NCOA2: variants seen among roughly 807,000 people sequenced by gnomAD.
The protein encoded by NCOA2 is class E basic helix-loop-helix protein 75.
A neutral mutation model predicts 145.1 loss-of-function variants in NCOA2; 21 were observed. The ratio of observed to expected loss-of-function variants is 0.14; its 90% CI spans 0.10 to 0.21. The LOEUF (loss-of-function observed/expected upper bound fraction) is 0.21, where lower values mean the gene tolerates loss of function less well. Among genes scored for constraint, NCOA2 ranks in the 10% least tolerant of loss-of-function variants. The probability of loss-of-function intolerance (pLI) is 1.00; values close to 1 mark genes in which losing one functional copy is unlikely to be tolerated. For synonymous variants in NCOA2, 619 were observed against 637.5 expected (o/e 0.97, Z 0.44); for missense variants, 1,472 against 1,837.6 (o/e 0.80, Z 3.64).
intron 2 of NCOA2, among the ~76,000 whole-genome samples, chr8:70,222,983 T>C (rs1430346420): frequency 6.6e-6 from 1 of 152,214 alleles, no homozygotes; most frequent in East Asian, 1.9e-4. Flanking sequence ...TGCTTATATA[T>C]CGACGTCAGC....
intron 1 of NCOA2, among the ~76,000 whole-genome samples, chr8:70,363,742 G>A (rs1247612726): frequency 6.6e-6 from 1 of 152,096 alleles, no homozygotes; most frequent in African/African-American, 2.4e-5. Context: ...CTGAGGGTAG[G>A]GTTGGCACTG....
intron 4 of NCOA2, among the ~76,000 whole-genome samples, chr8:70,175,868 A>ATT (rs34885918): frequency 0.02 from 2,944 of 148,918 alleles, 32 homozygotes; most frequent in Middle Eastern, 0.041. Flanking sequence ...AACCTTAATA[A>ATT]TTTTTTTTTT....
At chr8:70,427,630 G>A in the NCOA2 span, among the ~76,000 whole-genome samples, 1 of 152,170 alleles carries the variant, frequency 6.6e-6, no homozygotes, top group South Asian at 2.1e-4. Flanking sequence ...AAAAAGTTGA[G>A]TAGTGATTTC....
intron 1 of NCOA2, among the ~76,000 whole-genome samples, chr8:70,378,108 G>A (rs927428273): frequency 1.3e-5 from 2 of 152,014 alleles, no homozygotes; most frequent in Non-Finnish European, 2.9e-5. Context: ...AGTAACATAG[G>A]CTTAAGAGAT....
chr8:70,126,454 G>C (rs1385806835), intron 19 of NCOA2, among the ~76,000 whole-genome samples: 1 of 152,120 alleles, frequency 6.6e-6, no homozygotes, highest in African/African-American at 2.4e-5. Context: ...CAGACTCAGA[G>C]GCTTTCAAAT....
intron 15 of NCOA2, chr8:70,137,945 T>C (rs1809929230): frequency 6.8e-6 from 2 of 294,386 alleles, no homozygotes; most frequent in South Asian, 3.1e-4. Context: ...ACATGGCTTA[T>C]GATTTTTATA....
chr8:70,454,430 A>G, the NCOA2 span, among the ~76,000 whole-genome samples: 1 of 152,104 alleles, frequency 6.6e-6, no homozygotes. Flanking sequence ...CTTCTAATTG[A>G]CTGCTTGGCT....
At chr8:70,370,322 G>A (rs962829351) in intron 1 of NCOA2, among the ~76,000 whole-genome samples, 1 of 152,152 alleles carries the variant, frequency 6.6e-6, no homozygotes, top group Admixed American at 6.5e-5. Flanking sequence ...CCACCTATAT[G>A]AGAAAAGTAT....
At chr8:70,401,121 A>G (rs552262895) in intron 1 of NCOA2, among the ~76,000 whole-genome samples, 1 of 152,112 alleles carries the variant, frequency 6.6e-6, no homozygotes, top group Non-Finnish European at 1.5e-5. Flanking sequence ...ACACACGCGC[A>G]CACACACATG....
At chr8:70,255,861 A>G (rs1474811189) in intron 2 of NCOA2, among the ~76,000 whole-genome samples, 1 of 95,516 alleles carries the variant, frequency 1.0e-5, no homozygotes, top group African/African-American at 4.0e-5. Context: ...GATCCAGTAG[A>G]ACCTCTGCTA....
At chr8:70,348,471 A>G (rs971403918) in intron 1 of NCOA2, among the ~76,000 whole-genome samples, 4 of 152,230 alleles carry the variant, frequency 2.6e-5, no homozygotes, top group African/African-American at 7.2e-5. Context: ...TACTGTGTTT[A>G]GCAAATTTAA....
chr8:70,260,987 C>T (rs569987238), intron 2 of NCOA2, among the ~76,000 whole-genome samples: 2 of 152,202 alleles, frequency 1.3e-5, no homozygotes, highest in South Asian at 2.1e-4. Context: ...AATAGGAACA[C>T]TTTCACACTG....
chr8:70,418,096 A>G, the NCOA2 span, among the ~76,000 whole-genome samples: 3 of 152,070 alleles, frequency 2.0e-5, no homozygotes, highest in Non-Finnish European at 2.9e-5. Flanking sequence ...TAGTAGCGAT[A>G]CTCCCTCCCA....
At chr8:70,405,696 A>T (rs1814754526), upstream of NCOA2, among the ~76,000 whole-genome samples, 1 of 148,690 alleles carries the variant, frequency 6.7e-6, no homozygotes, top group African/African-American at 2.4e-5. Context: ...AAAATTTAAA[A>T]AAAAGATTCT....
intron 1 of NCOA2, among the ~76,000 whole-genome samples, chr8:70,341,999 C>T (rs1433428704): frequency 6.6e-6 from 1 of 152,136 alleles, no homozygotes; most frequent in African/African-American, 2.4e-5. Flanking sequence ...TTCTTTTCTC[C>T]TAAAAACAAA....
chr8:70,273,114 G>T (rs1459965152), intron 2 of NCOA2, among the ~76,000 whole-genome samples: 1 of 152,098 alleles, frequency 6.6e-6, no homozygotes, highest in Non-Finnish European at 1.5e-5. Flanking sequence ...ATGAAACAAT[G>T]AATCAGTACC....
At chr8:70,193,794 T>C (rs1212417901) in intron 4 of NCOA2, among the ~76,000 whole-genome samples, 1 of 152,156 alleles carries the variant, frequency 6.6e-6, no homozygotes, top group Non-Finnish European at 1.5e-5. Context: ...TCACCACTGC[T>C]CTGAGAACCA....
At chr8:70,178,568 G>C (rs1815119260) in intron 4 of NCOA2, among the ~76,000 whole-genome samples, 1 of 152,196 alleles carries the variant, frequency 6.6e-6, no homozygotes, top group South Asian at 2.1e-4. Flanking sequence ...TCTGTGGCCT[G>C]CACTGTCTGT....
At chr8:70,184,664 C>T (rs780492230) in intron 4 of NCOA2, among the ~76,000 whole-genome samples, 1 of 152,112 alleles carries the variant, frequency 6.6e-6, no homozygotes, top group Non-Finnish European at 1.5e-5. Flanking sequence ...TAAAGCTGAA[C>T]GCCCTAAAGA....
Sources: gnomAD v4.1 joint callset for allele counts (sites outside exome capture counted in the v4.1 genomes callset) on GRCh38, gnomAD v4.1.1 for gene constraint, MANE v1.5 for transcripts, NCBI Gene and HGNC (gene_info 2026-07-23, HGNC 2026-07-21) for gene names.